Variants in NIPBL observed in about 807,000 individuals in gnomAD.
NIPBL encodes NIPBL cohesin loading factor.
A neutral mutation model predicts 321.8 loss-of-function variants in NIPBL; 19 were observed. The observed-to-expected ratio is 0.06, with a 90% confidence interval of 0.04 to 0.09. NIPBL has a LOEUF of 0.09. Among genes scored for constraint, NIPBL ranks in the 10% least tolerant of loss-of-function variants. The probability of loss-of-function intolerance (pLI) is 1.00; values close to 1 mark genes in which losing one functional copy is unlikely to be tolerated. For synonymous variants in NIPBL, 1,106 were observed against 1,114.1 expected (o/e 0.99, Z 0.14); for missense variants, 2,210 against 3,327.0 (o/e 0.66, Z 8.26).
rs779703958 is a variant in NIPBL at position 37,052,584 on chromosome 5, T to C, written c.7263+18T>C. On this transcript the variant is annotated intron_variant, in intron 42 of 46. Transcript: ENST00000282516. ...ACACAGCAGTAAGCACAAAAACTTATTATTTTAAGAAAATAAGTGCTCTAG... is the reference window on the plus strand; with the variant it reads ...ACACAGCAGTAAGCACAAAAACTTACTATTTTAAGAAAATAAGTGCTCTAG... 40 of 1,601,686 alleles carry C rather than the reference T, an allele frequency of 2.5e-5. No individual in the cohort carries two copies. Among genetic ancestry groups the C allele is most frequent in the African/African-American group, 4.0e-5 (3 of 74,646 alleles).
intron 32 of NIPBL, among the ~76,000 whole-genome samples, chr5:37,033,705 C>CACACACATAT (rs1415570935): frequency 2.5e-5 from 2 of 80,266 alleles, no homozygotes; most frequent in Non-Finnish European, 4.5e-5. Context: ...CACACACACA[C>CACACACATAT]ATATATATAT....
intron 6 of NIPBL, among the ~76,000 whole-genome samples, chr5:36,969,037 T>C (rs62356413): frequency 4.1e-4 from 62 of 152,308 alleles, no homozygotes; most frequent in Admixed American, 1.2e-3. Flanking sequence ...TAAGCAGTTA[T>C]AATCTTTTTT....
intron 1 of NIPBL, among the ~76,000 whole-genome samples, chr5:36,883,345 A>G (rs1381175785): frequency 6.6e-6 from 1 of 151,848 alleles, no homozygotes; most frequent in Non-Finnish European, 1.5e-5. Flanking sequence ...AGAAATTAGC[A>G]ATATTAATTT....
At chr5:36,976,934 C>T (rs963289249) in intron 9 of NIPBL, among the ~76,000 whole-genome samples, 9 of 151,902 alleles carry the variant, frequency 5.9e-5, no homozygotes, top group African/African-American at 2.2e-4. Context: ...AAATAGCAAA[C>T]CTTAGAAATT....
chr5:36,964,055 G>A (rs758494452), intron 6 of NIPBL, among the ~76,000 whole-genome samples: 1 of 152,028 alleles, frequency 6.6e-6, no homozygotes, highest in Non-Finnish European at 1.5e-5. Context: ...TTTTAATGTA[G>A]TTTGAGGACC....
chr5:36,928,014 C>G (rs1417695959), intron 1 of NIPBL, among the ~76,000 whole-genome samples: 1 of 151,860 alleles, frequency 6.6e-6, no homozygotes, highest in Middle Eastern at 3.2e-3. Context: ...TTTTCTACCA[C>G]TTTCTTTCAA....
chr5:37,054,589 C>T (rs1038052240), intron 42 of NIPBL, among the ~76,000 whole-genome samples: 2 of 152,154 alleles, frequency 1.3e-5, no homozygotes, highest in African/African-American at 4.8e-5. Context: ...GATTTCACTG[C>T]CTGCTTTATG....
At chr5:37,058,271 C>G (rs16903484) in intron 43 of NIPBL, among the ~76,000 whole-genome samples, 5,232 of 152,192 alleles carry the variant, frequency 0.034, 328 homozygotes, top group African/African-American at 0.12. Flanking sequence ...CCCTCATGTT[C>G]TCTTATTTTA....
At position 36,952,053 on chromosome 5, in the gene NIPBL, T is replaced by TGTGCGCGC. The variant is rs778597604; in HGVS notation, c.-79-1564_-79-1563insTGCGCGCG. 6.6e-3 allele frequency among the ~76,000 whole-genome samples: 736 copies of TGTGCGCGC among 112,154 alleles called. 4 individuals carry two copies. Among genetic ancestry groups the TGTGCGCGC allele is most frequent in the Non-Finnish European group, 0.01 (549 of 53,642 alleles). The allele number at this position is 112,154 out of a possible 152,430, so 73.6% of individuals were successfully genotyped here. On this transcript the variant is annotated intron_variant, in intron 1 of 46. Transcript: ENST00000282516. The stretch of plus-strand genomic sequence containing the variant: ...GTGTGTGTGTGTGTGTGTGTGTGTG[T>TGTGCGCGC]GCGCGCGCGCGCGCGCGCGCATGTG...
chr5:36,987,100 G>A (rs294694), intron 10 of NIPBL, among the ~76,000 whole-genome samples: 4,967 of 152,004 alleles, frequency 0.033, 285 homozygotes, highest in African/African-American at 0.11. Context: ...GGCTGGTTTC[G>A]AACTCCTGGC....
chr5:37,039,954 C>G (rs970478894), intron 34 of NIPBL, among the ~76,000 whole-genome samples: 1 of 152,142 alleles, frequency 6.6e-6, no homozygotes, highest in Non-Finnish European at 1.5e-5. Context: ...CAGTACCAAG[C>G]ACTGTGAAAA....
intron 1 of NIPBL, among the ~76,000 whole-genome samples, chr5:36,882,609 A>C (rs1250467344): frequency 6.6e-6 from 1 of 151,958 alleles, no homozygotes; most frequent in East Asian, 1.9e-4. Flanking sequence ...TTACAGAGGA[A>C]ATTGAGGTTC....
At chr5:37,031,966 T>C (rs1751075241) in intron 32 of NIPBL, among the ~76,000 whole-genome samples, 1 of 152,138 alleles carries the variant, frequency 6.6e-6, no homozygotes, top group Non-Finnish European at 1.5e-5. Context: ...GGAAAGGACA[T>C]GAGGGAACTT....
intron 6 of NIPBL, 125 bp downstream of exon 6, chr5:36,962,399 CT>C: frequency 1.0e-6 from 1 of 996,776 alleles, no homozygotes; most frequent in Non-Finnish European, 1.5e-6. Context: ...GTCAGTAAAC[CT>C]TTTTAAAGAT....
intron 1 of NIPBL, among the ~76,000 whole-genome samples, chr5:36,894,410 G>T (rs183573372): frequency 6.6e-6 from 1 of 151,968 alleles, no homozygotes; most frequent in African/African-American, 2.4e-5. Context: ...GTGTCCAAAG[G>T]TATTGTACTA....
chr5:37,010,508 T>G (rs1012122846), intron 21 of NIPBL, among the ~76,000 whole-genome samples: 8 of 151,934 alleles, frequency 5.3e-5, no homozygotes, highest in Admixed American at 2.6e-4. Context: ...TAGAGACGGG[T>G]TTTCGCCATG....
At chr5:36,947,531 G>A (rs969770749) in intron 1 of NIPBL, among the ~76,000 whole-genome samples, 5 of 151,970 alleles carry the variant, frequency 3.3e-5, no homozygotes, top group African/African-American at 1.2e-4. Context: ...CTGGCCATAT[G>A]CTCTGTCTAA....
chr5:37,006,734 C>T, intron 17 of NIPBL, 146 bp downstream of exon 17: 1 of 597,122 alleles, frequency 1.7e-6, no homozygotes, highest in Non-Finnish European at 3.0e-6. Context: ...GAATATAGTA[C>T]TTGTTCAATT....
intron 32 of NIPBL, among the ~76,000 whole-genome samples, chr5:37,028,216 A>G (rs1435547167): frequency 2.0e-5 from 3 of 152,038 alleles, no homozygotes; most frequent in African/African-American, 7.2e-5. Context: ...TCACACAGGC[A>G]GAAATATCCA....
Sources: gnomAD v4.1 joint callset for allele counts (sites outside exome capture counted in the v4.1 genomes callset) on GRCh38, gnomAD v4.1.1 for gene constraint, MANE v1.5 for transcripts, NCBI Gene and HGNC (gene_info 2026-07-23, HGNC 2026-07-21) for gene names.